The following CHL1 variants were observed in gnomAD, a reference collection of about 807,000 sequenced individuals.
CHL1 encodes the protein neural cell adhesion molecule L1-like protein.
In CHL1, 96 loss-of-function variants were observed where a neutral mutation model predicts 141.9. The ratio of observed to expected loss-of-function variants is 0.68; its 90% CI spans 0.57 to 0.80. CHL1 has a LOEUF of 0.80. Among genes scored for constraint, CHL1 ranks in the 30% least tolerant of loss-of-function variants. The pLI, the probability that CHL1 is intolerant of heterozygous loss-of-function variation, is 0.00. For synonymous variants in CHL1, 613 were observed against 502.2 expected (o/e 1.22, Z -2.95); for missense variants, 1,820 against 1,457.2 (o/e 1.25, Z -4.05).
intron 10 of CHL1, among the ~76,000 whole-genome samples, chr3:351,257 T>A (rs1703229963): frequency 6.6e-6 from 1 of 152,222 alleles, no homozygotes; most frequent in African/African-American, 2.4e-5. Flanking sequence ...GAATATAGAT[T>A]TCCTGAACAA....
At chr3:210,102 T>A (rs1210865532) in intron 1 of CHL1, among the ~76,000 whole-genome samples, 4 of 152,218 alleles carry the variant, frequency 2.6e-5, no homozygotes, top group Non-Finnish European at 5.9e-5. Flanking sequence ...TGTAGGGATA[T>A]ACACAAGCTG....
chr3:288,867 G>T (rs570078101), intron 2 of CHL1, among the ~76,000 whole-genome samples: 1 of 152,220 alleles, frequency 6.6e-6, no homozygotes, highest in South Asian at 2.1e-4. Flanking sequence ...AAATATTTTC[G>T]ATAATATTTA....
At chr3:268,874 G>A (rs1210016605) in intron 2 of CHL1, among the ~76,000 whole-genome samples, 1 of 152,192 alleles carries the variant, frequency 6.6e-6, no homozygotes, top group African/African-American at 2.4e-5. Context: ...AGAATACAGG[G>A]TTAAAGGCAG....
intron 19 of CHL1, among the ~76,000 whole-genome samples, chr3:389,042 TG>T (rs869036898): frequency 3.2e-5 from 1 of 31,038 alleles, no homozygotes; most frequent in Non-Finnish European, 2.0e-4. Context: ...TCTCGTTACT[TG>T]GGGAGTTAAG....
intron 1 of CHL1, chr3:197,862 C>CT: frequency 2.5e-6 from 1 of 405,444 alleles, no homozygotes. Context: ...GTGCCTCTCT[C>CT]TTTCTCTCGC....
intron 10 of CHL1, among the ~76,000 whole-genome samples, chr3:352,101 G>A (rs948043758): frequency 1.3e-5 from 2 of 152,062 alleles, no homozygotes; most frequent in East Asian, 3.8e-4. Context: ...TGTAATTATA[G>A]AGCCATAGTA....
chr3:213,286 C>T (rs1700045035), intron 1 of CHL1: 2 of 152,208 alleles, frequency 1.3e-5, no homozygotes, highest in South Asian at 4.1e-4. Context: ...CATCTAGGAT[C>T]ATTTCAGCGC....
intron 3 of CHL1, among the ~76,000 whole-genome samples, chr3:324,922 G>A (rs1265622423): frequency 6.6e-6 from 1 of 151,854 alleles, no homozygotes; most frequent in Non-Finnish European, 1.5e-5. Flanking sequence ...TGTTTGTCTT[G>A]TAGATTACTT....
intron 1 of CHL1, among the ~76,000 whole-genome samples, chr3:218,567 C>T (rs961002470): frequency 5.9e-5 from 9 of 152,032 alleles, no homozygotes; most frequent in African/African-American, 2.2e-4. Context: ...AAATTCCTGC[C>T]CTAAGTTTTA....
chr3:267,843 A>G (rs934493209), intron 2 of CHL1, among the ~76,000 whole-genome samples: 11 of 152,236 alleles, frequency 7.2e-5, no homozygotes, highest in African/African-American at 2.4e-4. Flanking sequence ...TCCAAAATAT[A>G]AAGCAAATTA....
intron 1 of CHL1, among the ~76,000 whole-genome samples, chr3:233,791 T>G (rs1027694919): frequency 1.8e-4 from 27 of 152,086 alleles, no homozygotes; most frequent in African/African-American, 6.3e-4. Context: ...CATAACTATA[T>G]TCTACATATT....
intron 1 of CHL1, among the ~76,000 whole-genome samples, chr3:225,402 A>T (rs886379473): frequency 6.6e-6 from 1 of 152,362 alleles, no homozygotes; most frequent in African/African-American, 2.4e-5. Flanking sequence ...TATATAGCAT[A>T]TTTAAACATT....
chr3:385,447 C>T (rs1255800631), intron 19 of CHL1, among the ~76,000 whole-genome samples: 5 of 152,138 alleles, frequency 3.3e-5, no homozygotes, highest in Admixed American at 3.3e-4. Context: ...TTGACTGCTC[C>T]TCTCACTCAT....
At chr3:287,436 A>C (rs1337549553) in intron 2 of CHL1, among the ~76,000 whole-genome samples, 2 of 152,182 alleles carry the variant, frequency 1.3e-5, no homozygotes, top group African/African-American at 4.8e-5. Context: ...GCTCTTATAT[A>C]AATTTGTGCT....
At chr3:324,346 G>A (rs1005927491) in intron 3 of CHL1, among the ~76,000 whole-genome samples, 1 of 151,994 alleles carries the variant, frequency 6.6e-6, no homozygotes, top group Non-Finnish European at 1.5e-5. Flanking sequence ...TCCCTGCTGC[G>A]AAACAGTTTT....
intron 2 of CHL1, among the ~76,000 whole-genome samples, chr3:315,497 G>T (rs1437754973): frequency 2.0e-5 from 3 of 152,140 alleles, no homozygotes; most frequent in Non-Finnish European, 4.4e-5. Context: ...GTTGTTTCTA[G>T]ATTTGCCACC....
At chr3:314,710 AG>A (rs1249670878) in intron 2 of CHL1, among the ~76,000 whole-genome samples, 1 of 152,040 alleles carries the variant, frequency 6.6e-6, no homozygotes, top group African/African-American at 2.4e-5. Flanking sequence ...AGGGTAGTGC[AG>A]GCTTCTTTTT....
At chr3:337,989 G>A (rs1054997027) in intron 5 of CHL1, among the ~76,000 whole-genome samples, 7 of 152,288 alleles carry the variant, frequency 4.6e-5, no homozygotes, top group African/African-American at 1.2e-4. Flanking sequence ...CCCACCAACA[G>A]TTTGAAAGTG....
At chr3:353,941 C>G (rs1703484673) in intron 10 of CHL1, among the ~76,000 whole-genome samples, 1 of 152,028 alleles carries the variant, frequency 6.6e-6, no homozygotes, top group Non-Finnish European at 1.5e-5. Flanking sequence ...CATGGAAATC[C>G]AGTAAAATGT....
Sources: allele counts gnomAD v4.1 joint callset (sites outside exome capture counted in the v4.1 genomes callset), GRCh38; gene constraint gnomAD v4.1.1; transcripts MANE v1.5; gene names NCBI Gene and HGNC (gene_info 2026-07-23, HGNC 2026-07-21).